Variants in FAM135B observed in about 807,000 individuals in gnomAD.
FAM135B encodes the protein family with sequence similarity 135 member B.
In FAM135B, 43 loss-of-function variants were observed where a neutral mutation model predicts 127.7. The ratio of observed to expected loss-of-function variants is 0.34; its 90% confidence interval spans 0.26 to 0.43. FAM135B has a LOEUF of 0.43. Among genes scored for constraint, FAM135B ranks in the 20% least tolerant of loss-of-function variants. FAM135B has a pLI of 1.00. For synonymous variants in FAM135B, 670 were observed against 665.1 expected (o/e 1.01, Z -0.11); for missense variants, 1,558 against 1,725.6 (o/e 0.90, Z 1.72).
chr8:138,204,556 C>A (rs1356818278), intron 7 of FAM135B, among the ~76,000 whole-genome samples: 1 of 152,130 alleles, frequency 6.6e-6, no homozygotes, highest in African/African-American at 2.4e-5. Context: ...TGCAATGGCA[C>A]GACAGTGTAG....
intron 3 of FAM135B, among the ~76,000 whole-genome samples, chr8:138,285,438 C>A (rs375811165): frequency 6.6e-6 from 1 of 152,116 alleles, no homozygotes; most frequent in South Asian, 2.1e-4. Context: ...TGAGCCACTA[C>A]GCCTGGCCTT....
rs148641076 is a variant in FAM135B, at chr8:138,269,728, G to A, written c.158-3886C>T. ...GGCCTTAGGCAGGACTACAGAATCC[G>A]AGCTCCAATGAGACAAGAATCATGC... is the stretch of plus-strand genomic sequence containing the variant. On this transcript the variant is annotated intron_variant, in intron 3 of 19. Coordinates refer to ENST00000395297, the MANE Select transcript of FAM135B (RefSeq NM_015912.4). Among the ~76,000 whole-genome samples, 8 of 152,288 alleles carry A rather than the reference G, an allele frequency of 5.3e-5. No homozygotes were observed. In the East Asian group the frequency reaches 7.7e-4, roughly 15 times the overall value.
intron 2 of FAM135B, among the ~76,000 whole-genome samples, chr8:138,316,959 G>A (rs1336536937): frequency 2.0e-5 from 3 of 149,664 alleles, no homozygotes; most frequent in Middle Eastern, 3.4e-3. Context: ...TAGCCTGGGG[G>A]ACAGAGCAAG....
chr8:138,291,906 G>A (rs111964736), intron 3 of FAM135B, among the ~76,000 whole-genome samples: 195 of 152,236 alleles, frequency 1.3e-3, no homozygotes, highest in Non-Finnish European at 2.1e-3. Flanking sequence ...GTTGAACACA[G>A]TATGGAAAGG....
chr8:138,255,821 T>A (rs1463685647), intron 5 of FAM135B, among the ~76,000 whole-genome samples: 2 of 152,156 alleles, frequency 1.3e-5, no homozygotes, highest in African/African-American at 2.4e-5. Context: ...GTTTACCATA[T>A]GACAATCGCA....
At chr8:138,280,426 T>C (rs1382820286) in intron 3 of FAM135B, among the ~76,000 whole-genome samples, 2 of 152,092 alleles carry the variant, frequency 1.3e-5, no homozygotes, top group East Asian at 3.9e-4. Flanking sequence ...ACCACCAAGT[T>C]TGCTGTTTAG....
At chr8:138,462,230 C>G (rs2131620268) in intron 1 of FAM135B, among the ~76,000 whole-genome samples, 1 of 152,228 alleles carries the variant, frequency 6.6e-6, no homozygotes, top group Non-Finnish European at 1.5e-5. Flanking sequence ...TTTTCTTTCT[C>G]TTTCTACTGA....
At chr8:138,417,159 T>C (rs1834210537) in intron 1 of FAM135B, among the ~76,000 whole-genome samples, 1 of 152,176 alleles carries the variant, frequency 6.6e-6, no homozygotes, top group East Asian at 1.9e-4. Flanking sequence ...TTAGCCTTGA[T>C]TGACTGACAG....
intron 9 of FAM135B, among the ~76,000 whole-genome samples, chr8:138,182,303 A>C (rs1815122817): frequency 6.6e-6 from 1 of 152,158 alleles, no homozygotes. Flanking sequence ...GAGCCTGTGC[A>C]ATCACAGATG....
rs1815428668 is a variant in FAM135B at position 138,497,136 on chromosome 8, G to T, written c.-485C>A. On this transcript the variant is annotated 5_prime_UTR_variant, in exon 1 of 20. Transcript: ENST00000395297. The stretch of plus-strand genomic sequence containing the variant: ...GCGCCCTCACTCCTCTCCTTCCTCC[G>T]CCGGGACGCGGCCAGACCCTCCGCG... 1.3e-5 allele frequency among the ~76,000 whole-genome samples: 2 copies of T among 151,336 alleles called. No homozygotes were observed. Among genetic ancestry groups the T allele is most frequent in the African/African-American group, 2.4e-5 (1 of 41,322 alleles).
intron 1 of FAM135B, among the ~76,000 whole-genome samples, chr8:138,383,307 C>A (rs1233355104): frequency 6.6e-6 from 1 of 152,186 alleles, no homozygotes; most frequent in African/African-American, 2.4e-5. Context: ...TATTTCTGTG[C>A]AAACTGGAGG....
intron 9 of FAM135B, among the ~76,000 whole-genome samples, chr8:138,186,674 T>C (rs1206888396): frequency 6.6e-6 from 1 of 152,168 alleles, no homozygotes; most frequent in East Asian, 1.9e-4. Context: ...TTTAGTTGCT[T>C]TGTATAAAGT....
intron 7 of FAM135B, among the ~76,000 whole-genome samples, chr8:138,201,368 T>C (rs1378937365): frequency 6.6e-6 from 1 of 152,150 alleles, no homozygotes; most frequent in Non-Finnish European, 1.5e-5. Context: ...TGGGGAATCG[T>C]CGCAAGGCTG....
chr8:138,437,342 C>T (rs1395338948), intron 1 of FAM135B: 1 of 152,148 alleles, frequency 6.6e-6, no homozygotes, highest in East Asian at 1.9e-4. Context: ...ATGGAAGGAA[C>T]CTGGTGGGAG....
At position 138,243,094 on chromosome 8, in the gene FAM135B, G is replaced by GA. The variant is rs145287948; in HGVS notation, c.543-27dup. On this transcript the variant is annotated intron_variant, in intron 6 of 19. Coordinates refer to ENST00000395297, the MANE Select transcript of FAM135B (RefSeq NM_015912.4). The surrounding 1 kb of genome is among the most constrained non-coding windows in gnomAD (Gnocchi z 7.5). ...CTAAACAAAAGATAATTGAAAGGGT[G>GA]AAAAAGGAGGTAAAGAAAGTGATGG... 0.021 allele frequency: 33,567 copies of GA among 1,592,288 alleles called. 632 individuals carry two copies. The highest frequency in any genetic ancestry group is 0.083 in the South Asian group (7,203 of 87,116).
At chr8:138,268,024 G>C (rs1041209916) in intron 3 of FAM135B, among the ~76,000 whole-genome samples, 12 of 152,152 alleles carry the variant, frequency 7.9e-5, no homozygotes, top group Middle Eastern at 3.2e-3. Context: ...TACCCTGAAG[G>C]TCAGAGCAGC....
chr8:138,153,921 C>T (rs190109347), intron 12 of FAM135B, among the ~76,000 whole-genome samples: 1 of 152,296 alleles, frequency 6.6e-6, no homozygotes, highest in East Asian at 1.9e-4. Flanking sequence ...CCCTGTCTGA[C>T]AGCTTTGAAG....
intron 12 of FAM135B, among the ~76,000 whole-genome samples, chr8:138,157,338 T>C (rs1394881882): frequency 6.6e-6 from 1 of 152,146 alleles, no homozygotes; most frequent in Non-Finnish European, 1.5e-5. Context: ...ACAGCCACTA[T>C]CATACTGAAT....
chr8:138,354,603 T>C (rs1829975023), intron 2 of FAM135B, among the ~76,000 whole-genome samples: 1 of 152,176 alleles, frequency 6.6e-6, no homozygotes, highest in African/African-American at 2.4e-5. Context: ...TCTTACACTG[T>C]ATCAGGAGCA....
Sources: allele counts gnomAD v4.1 joint callset (sites outside exome capture counted in the v4.1 genomes callset), GRCh38; gene constraint gnomAD v4.1.1; non-coding constraint Gnocchi (gnomAD v3.1); transcripts MANE v1.5; gene names NCBI Gene and HGNC (gene_info 2026-07-23, HGNC 2026-07-21).